Variants in SDK1 observed in about 807,000 individuals in gnomAD.
SDK1 encodes protein sidekick-1.
In SDK1, 157 loss-of-function variants were observed where a neutral mutation model predicts 245.5. The observed-to-expected ratio is 0.64, with a 90% confidence interval of 0.56 to 0.73. The LOEUF (loss-of-function observed/expected upper bound fraction) is 0.73. SDK1 is among the 30% of genes least tolerant of loss of function. The probability of loss-of-function intolerance (pLI) is 0.00; values close to 1 mark genes in which losing one functional copy is unlikely to be tolerated. For missense variants in SDK1, 3,583 were observed against 3,002.3 expected, an observed-to-expected ratio of 1.19 and a Z score of -4.52; for synonymous variants, 1,647 against 1,278.5, an observed-to-expected ratio of 1.29 and a Z score of -6.15.
At chr7:4,007,799 T>A (rs937510037) in intron 14 of SDK1, among the ~76,000 whole-genome samples, 1 of 151,022 alleles carries the variant, frequency 6.6e-6, no homozygotes, top group East Asian at 1.9e-4. Flanking sequence ...AGAGGCGGGG[T>A]TTCACCGTCT....
chr7:3,720,620 T>C (rs1023122177), intron 4 of SDK1, among the ~76,000 whole-genome samples: 1 of 152,212 alleles, frequency 6.6e-6, no homozygotes, highest in South Asian at 2.1e-4. Context: ...ATCACTCATA[T>C]ATTGTTAGTG....
chr7:3,467,616 A>G (rs1384240133), intron 1 of SDK1, among the ~76,000 whole-genome samples: 2 of 152,050 alleles, frequency 1.3e-5, no homozygotes, highest in East Asian at 1.9e-4. Flanking sequence ...AGAAGTTGGA[A>G]TTTATGTTTT....
chr7:3,619,030 A>G, intron 1 of SDK1, 50 bp from the exon 2 acceptor site: 2 of 1,404,190 alleles, frequency 1.4e-6, no homozygotes, highest in African/African-American at 1.4e-5. Context: ...GATGAGTGCC[A>G]CTTTCATGCG....
At position 3,316,521 on chromosome 7, in the gene SDK1, A is replaced by G. The variant is rs77508837; in HGVS notation, c.298+14637A>G. Among the ~76,000 whole-genome samples the G allele has an allele frequency of 6.7e-4, 102 of 152,332 alleles. 1 individual carries two copies. In the East Asian group the frequency reaches 0.016, roughly 25 times the overall value. On this transcript the variant is annotated intron_variant, in intron 1 of 44. Coordinates refer to ENST00000404826, the MANE Select transcript of SDK1 (RefSeq NM_152744.4). ...TAGAGCTTATCCCCATCATTAAGTG[A>G]TGCATGACCTGTATATTCAATATAA...
chr7:4,228,126 C>G (rs1022277477), intron 40 of SDK1, among the ~76,000 whole-genome samples: 1 of 152,186 alleles, frequency 6.6e-6, no homozygotes, highest in African/African-American at 2.4e-5. Context: ...CTTGCTTTTT[C>G]CCACTCAGCC....
chr7:3,589,718 GA>G (rs1780801047), intron 1 of SDK1, among the ~76,000 whole-genome samples: 2 of 152,100 alleles, frequency 1.3e-5, no homozygotes, highest in Admixed American at 1.3e-4. Context: ...ACTGTCATGA[GA>G]ACAGCATGGG....
intron 35 of SDK1, among the ~76,000 whole-genome samples, chr7:4,182,672 C>T (rs1782666326): frequency 6.6e-6 from 1 of 152,228 alleles, no homozygotes. Flanking sequence ...GCAGATAACA[C>T]AGTCACCATC....
intron 1 of SDK1, among the ~76,000 whole-genome samples, chr7:3,487,685 A>G (rs952443996): frequency 1.4e-5 from 2 of 142,660 alleles, no homozygotes; most frequent in Non-Finnish European, 3.0e-5. Flanking sequence ...ATCCCAGGAA[A>G]TTGAGGCTGC....
chr7:3,350,699 C>G (rs1583724054), intron 1 of SDK1, among the ~76,000 whole-genome samples: 1 of 152,164 alleles, frequency 6.6e-6, no homozygotes, highest in Admixed American at 6.5e-5. Context: ...CTGGTGATGT[C>G]TCATCTTTTC....
chr7:3,425,264 A>G (rs1403158), intron 1 of SDK1, among the ~76,000 whole-genome samples: 61,728 of 151,924 alleles, frequency 0.41, 14,056 homozygotes, highest in Admixed American at 0.5. Context: ...ACTGATTTAC[A>G]CTTTTACAGA....
At position 4,268,760 on chromosome 7, in the gene SDK1, A is replaced by G. The variant is rs1483806677; in HGVS notation, c.*3376A>G. 1 of 1,367,396 alleles carries G rather than the reference A, an allele frequency of 7.3e-7. No homozygotes were observed. Among genetic ancestry groups the G allele is most frequent in the South Asian group, 1.1e-5 (1 of 88,038 alleles). 84.7% of individuals were successfully genotyped at this position (1,367,396 alleles called of 1,614,324 possible). Reference sequence around the variant, plus strand: ...GTCAGCGTCCTGGTAGCATGGATCCAGTCTGAAAGGTGAGGACAACGTGGA... The same window carrying G: ...GTCAGCGTCCTGGTAGCATGGATCCGGTCTGAAAGGTGAGGACAACGTGGA... On this transcript the variant is annotated 3_prime_UTR_variant, in exon 45 of 45. Coordinates refer to ENST00000404826, the MANE Select transcript of SDK1 (RefSeq NM_152744.4).
intron 35 of SDK1, among the ~76,000 whole-genome samples, chr7:4,189,056 T>TAA (rs5882012): frequency 3.3e-5 from 5 of 151,884 alleles, no homozygotes; most frequent in South Asian, 4.2e-4. Flanking sequence ...GGCAAGTTCT[T>TAA]AAAAAAAAGC....
chr7:3,416,828 G>C (rs1007044860), intron 1 of SDK1, among the ~76,000 whole-genome samples: 1 of 152,092 alleles, frequency 6.6e-6, no homozygotes, highest in African/African-American at 2.4e-5. Context: ...TGTTATTTGT[G>C]GATGTTATTT....
intron 1 of SDK1, among the ~76,000 whole-genome samples, chr7:3,345,435 C>T (rs893284436): frequency 9.9e-5 from 15 of 152,102 alleles, no homozygotes; most frequent in Non-Finnish European, 1.5e-4. Flanking sequence ...AAAAAAATTA[C>T]GTAAAATCCT....
intron 5 of SDK1, among the ~76,000 whole-genome samples, chr7:3,852,535 C>CA (rs1780443662): frequency 6.6e-6 from 1 of 151,348 alleles, no homozygotes; most frequent in African/African-American, 2.4e-5. Context: ...ATCACGAGGT[C>CA]AGGAGATTGA....
intron 1 of SDK1, among the ~76,000 whole-genome samples, chr7:3,379,967 G>C (rs890711409): frequency 6.6e-6 from 1 of 152,154 alleles, no homozygotes. Flanking sequence ...AAGGCTCTCT[G>C]GTCCTGAACC....
Position 3,888,634 on chromosome 7 carries a change from T to G in SDK1, c.848-62289T>G, listed in dbSNP as rs981595102. Among the ~76,000 whole-genome samples the G allele has an allele frequency of 2.6e-5, 4 of 152,236 alleles. No homozygotes were observed. The South Asian group carries it at 8.3e-4, about 32-fold the overall frequency. ...CCACAACAGGAGTGACTTTGATAAATTATACAAGAATAGGATCTTATAATT... is the reference window on the plus strand; with the variant it reads ...CCACAACAGGAGTGACTTTGATAAAGTATACAAGAATAGGATCTTATAATT... On this transcript the variant is annotated intron_variant, in intron 5 of 44. Coordinates refer to ENST00000404826, the MANE Select transcript of SDK1 (RefSeq NM_152744.4).
rs572534262 is a variant in SDK1 at position 3,952,679 on chromosome 7, C to T, written c.1150+759C>T. 5.7e-4 allele frequency among the ~76,000 whole-genome samples: 87 copies of T among 151,654 alleles called. 1 individual carries two copies. Among genetic ancestry groups the T allele is most frequent in the Non-Finnish European group, 1.1e-3 (74 of 67,912 alleles). On this transcript the variant is annotated intron_variant, in intron 7 of 44. Transcript: ENST00000404826. ...GAAAATGTAAAACTATCGGATGTTA[C>T]CTTTTGTTAAACTTAAAAAAAAAAA...
chr7:4,044,679 A>C (rs1229918562), intron 17 of SDK1, among the ~76,000 whole-genome samples: 1 of 152,092 alleles, frequency 6.6e-6, no homozygotes, highest in Non-Finnish European at 1.5e-5. Flanking sequence ...TCCTGGGCTC[A>C]AGCGATCCTC....
Sources: allele counts gnomAD v4.1 joint callset (sites outside exome capture counted in the v4.1 genomes callset), GRCh38; gene constraint gnomAD v4.1.1; transcripts MANE v1.5; gene names NCBI Gene and HGNC (gene_info 2026-07-23, HGNC 2026-07-21).